The following TAFA4 variants were observed in gnomAD, a reference collection of about 807,000 sequenced individuals.
The protein encoded by TAFA4 is chemokine-like protein TAFA-4.
In TAFA4, 20 loss-of-function variants were observed where a neutral mutation model predicts 21.1. That is an observed-to-expected ratio of 0.95 (90% CI 0.67 to 1.38). The LOEUF (loss-of-function observed/expected upper bound fraction) is 1.38, where lower values mean the gene tolerates loss of function less well. Among genes scored for constraint, TAFA4 ranks in the 40% most tolerant of loss-of-function variants. The pLI is 0.00. For synonymous variants in TAFA4, 71 were observed against 67.4 expected, an observed-to-expected ratio of 1.05 and a Z score of -0.26; for missense variants, 211 against 180.9, an observed-to-expected ratio of 1.17 and a Z score of -0.95.
Position 68,732,899 on chromosome 3 carries a change from C to T in TAFA4, c.*243G>A, listed in dbSNP as rs1316244103. ...CTTCTCGGATTTTGGAGGTATGCTCCTTGGGAATCCAGAGAGGATGTCAAA... is the reference window on the plus strand; with the variant it reads ...CTTCTCGGATTTTGGAGGTATGCTCTTTGGGAATCCAGAGAGGATGTCAAA... On this transcript the variant is annotated 3_prime_UTR_variant, in exon 6 of 6. Coordinates refer to ENST00000295569, the MANE Select transcript of TAFA4 (RefSeq NM_182522.5). 5 of 522,652 alleles carry T rather than the reference C, an allele frequency of 9.6e-6. No homozygotes were observed. Among genetic ancestry groups the T allele is most frequent in the African/African-American group, 3.8e-5 (2 of 52,396 alleles). The allele number at this position is 522,652 out of a possible 1,614,324, so 32.4% of individuals were successfully genotyped here.
At chr3:68,819,376 G>C (rs1280776546) in intron 3 of TAFA4, among the ~76,000 whole-genome samples, 1 of 150,858 alleles carries the variant, frequency 6.6e-6, no homozygotes, top group Non-Finnish European at 1.5e-5. Flanking sequence ...TAACTGCTCT[G>C]TCTACAACTC....
chr3:68,925,860 A>G (rs2090103288), intron 1 of TAFA4, among the ~76,000 whole-genome samples: 1 of 152,170 alleles, frequency 6.6e-6, no homozygotes, highest in African/African-American at 2.4e-5. Flanking sequence ...AGGTTCATCA[A>G]AAGCCCTCTA....
chr3:68,924,798 T>C (rs1194612488), intron 1 of TAFA4, among the ~76,000 whole-genome samples: 6 of 152,080 alleles, frequency 3.9e-5, no homozygotes, highest in Admixed American at 3.9e-4. Flanking sequence ...CAGAGAAAGC[T>C]CTGATGAAAG....
chr3:68,927,940 C>T (rs2090124990), intron 1 of TAFA4, among the ~76,000 whole-genome samples: 1 of 151,452 alleles, frequency 6.6e-6, no homozygotes, highest in Non-Finnish European at 1.5e-5. Flanking sequence ...TCCTATTTTT[C>T]CAAAAAGGAT....
chr3:68,790,925 T>A (rs910530572), intron 3 of TAFA4, among the ~76,000 whole-genome samples: 2 of 152,196 alleles, frequency 1.3e-5, no homozygotes, highest in African/African-American at 2.4e-5. Context: ...ATGTGTGTAG[T>A]AGGTCAGTGG....
intron 4 of TAFA4, among the ~76,000 whole-genome samples, chr3:68,742,828 A>G (rs188188056): frequency 8.5e-5 from 13 of 152,336 alleles, no homozygotes; most frequent in Admixed American, 8.5e-4. Context: ...AAAACAGTCA[A>G]ACAAGCTCTT....
intron 3 of TAFA4, among the ~76,000 whole-genome samples, chr3:68,819,346 C>T (rs1331537065): frequency 2.7e-5 from 4 of 150,624 alleles, no homozygotes; most frequent in African/African-American, 9.8e-5. Context: ...ACAAGGATGC[C>T]TGTGTTTCTT....
chr3:68,803,472 T>G (rs1703618871), intron 3 of TAFA4, among the ~76,000 whole-genome samples: 1 of 152,102 alleles, frequency 6.6e-6, no homozygotes, highest in Non-Finnish European at 1.5e-5. Context: ...TCAAGGGACA[T>G]GATGAAAGCC....
chr3:68,788,291 T>A (rs2106808501), intron 3 of TAFA4, among the ~76,000 whole-genome samples: 1 of 152,280 alleles, frequency 6.6e-6, no homozygotes, highest in South Asian at 2.1e-4. Context: ...CAATCACCTC[T>A]GCCTCAGGAC....
intron 3 of TAFA4, among the ~76,000 whole-genome samples, chr3:68,768,552 T>A (rs1575601262): frequency 6.6e-6 from 1 of 152,214 alleles, no homozygotes; most frequent in East Asian, 1.9e-4. Flanking sequence ...CCTCAAAAAA[T>A]TAAAAATAGA....
intron 3 of TAFA4, among the ~76,000 whole-genome samples, chr3:68,879,587 A>G (rs1378988720): frequency 6.6e-6 from 1 of 152,224 alleles, no homozygotes. Context: ...GGCACTTCAC[A>G]GCAGCCAAAT....
At chr3:68,891,048 A>G (rs990562138) in intron 1 of TAFA4, among the ~76,000 whole-genome samples, 2 of 152,218 alleles carry the variant, frequency 1.3e-5, no homozygotes, top group Non-Finnish European at 2.9e-5. Context: ...AGAATTATAT[A>G]CAGCTTGAGG....
intron 3 of TAFA4, among the ~76,000 whole-genome samples, chr3:68,867,803 A>C (rs1431645105): frequency 6.6e-6 from 1 of 152,078 alleles, no homozygotes; most frequent in Non-Finnish European, 1.5e-5. Flanking sequence ...GTTTTCTGTA[A>C]GCCTCATGGT....
intron 1 of TAFA4, among the ~76,000 whole-genome samples, chr3:68,919,882 C>CACT (rs1413475545): frequency 6.6e-6 from 1 of 152,166 alleles, no homozygotes; most frequent in African/African-American, 2.4e-5. Flanking sequence ...ATTCCCAAGC[C>CACT]ACTAGTGCAT....
At chr3:68,840,901 A>G (rs537042048) in intron 3 of TAFA4, among the ~76,000 whole-genome samples, 2 of 152,304 alleles carry the variant, frequency 1.3e-5, no homozygotes, top group East Asian at 1.9e-4. Flanking sequence ...ATACTGAACT[A>G]AATGGAGTTT....
intron 3 of TAFA4, among the ~76,000 whole-genome samples, chr3:68,871,603 T>G (rs2089483840): frequency 6.6e-6 from 1 of 152,018 alleles, no homozygotes; most frequent in Non-Finnish European, 1.5e-5. Context: ...ATCGGCAAAG[T>G]GAAAAGATAA....
intron 1 of TAFA4, among the ~76,000 whole-genome samples, chr3:68,930,408 T>C (rs1455115655): frequency 6.6e-6 from 1 of 152,184 alleles, no homozygotes; most frequent in Non-Finnish European, 1.5e-5. Flanking sequence ...AACTTACTTA[T>C]CTTTAGCAGG....
At chr3:68,907,056 A>G (rs1438469133) in intron 1 of TAFA4, among the ~76,000 whole-genome samples, 1 of 129,128 alleles carries the variant, frequency 7.7e-6, no homozygotes, top group Non-Finnish European at 1.7e-5. Flanking sequence ...AAAAAAAAAA[A>G]GCCAGGGGTG....
intron 3 of TAFA4, among the ~76,000 whole-genome samples, chr3:68,834,795 T>A (rs1465493833): frequency 6.6e-6 from 1 of 152,122 alleles, no homozygotes; most frequent in Non-Finnish European, 1.5e-5. Context: ...TCACAACATT[T>A]TCACAGTCTA....
Sources: gnomAD v4.1 joint callset for allele counts (sites outside exome capture counted in the v4.1 genomes callset) on GRCh38, gnomAD v4.1.1 for gene constraint, MANE v1.5 for transcripts, NCBI Gene and HGNC (gene_info 2026-07-23, HGNC 2026-07-21) for gene names.